Variants in PCNX1 observed in about 807,000 individuals in gnomAD.
The protein encoded by PCNX1 is pecanex 1, also known as pecanex-like protein 1.
A neutral mutation model predicts 242.2 loss-of-function variants in PCNX1; 78 were observed. The ratio of observed to expected loss-of-function variants is 0.32; its 90% CI spans 0.27 to 0.39. The LOEUF (loss-of-function observed/expected upper bound fraction) is 0.39, where lower values mean the gene tolerates loss of function less well. Among genes scored for constraint, PCNX1 ranks in the 10% least tolerant of loss-of-function variants. The pLI, the probability that PCNX1 is intolerant of heterozygous loss-of-function variation, is 1.00. For missense variants in PCNX1, 2,581 were observed against 2,856.5 expected (o/e 0.90, Z 2.20); for synonymous variants, 1,024 against 1,032.9 (o/e 0.99, Z 0.17).
chr14:70,992,592 A>G (rs1288499183), intron 7 of PCNX1, among the ~76,000 whole-genome samples: 1 of 152,232 alleles, frequency 6.6e-6, no homozygotes, highest in Non-Finnish European at 1.5e-5. Context: ...ATTAAGTGAT[A>G]CAGAAGGAAA....
chr14:71,033,589 G>GT (rs531399121), intron 17 of PCNX1, 51 bp downstream of exon 17: 27 of 1,023,420 alleles, frequency 2.6e-5, no homozygotes, highest in Admixed American at 5.6e-5. Context: ...GTAAGTTGGT[G>GT]TTTTTTTCAA....
intron 3 of PCNX1, 116 bp from the exon 4 acceptor site, chr14:70,968,082 A>G: frequency 1.3e-6 from 1 of 774,060 alleles, no homozygotes; most frequent in Non-Finnish European, 2.2e-6. Context: ...ATTGATAAAA[A>G]TGATCGATAA....
At chr14:70,927,527 A>G (rs2056635625) in intron 1 of PCNX1, among the ~76,000 whole-genome samples, 2 of 152,070 alleles carry the variant, frequency 1.3e-5, no homozygotes. Flanking sequence ...GAGAGCTAAT[A>G]TACTTTTTAC....
chr14:70,910,732 A>G (rs535161080), intron 1 of PCNX1, among the ~76,000 whole-genome samples: 2 of 152,338 alleles, frequency 1.3e-5, no homozygotes, highest in African/African-American at 4.8e-5. Flanking sequence ...ATTAGAATAT[A>G]AGCTCTGAGA....
chr14:70,952,713 C>T (rs1186027981), intron 2 of PCNX1, among the ~76,000 whole-genome samples: 3 of 151,826 alleles, frequency 2.0e-5, no homozygotes, highest in African/African-American at 7.3e-5. Context: ...ATTCATTCTT[C>T]TATTTATAGC....
intron 2 of PCNX1, among the ~76,000 whole-genome samples, chr14:70,948,587 A>G (rs1032575077): frequency 1.3e-5 from 2 of 151,730 alleles, no homozygotes; most frequent in South Asian, 2.1e-4. Flanking sequence ...ACACATATGC[A>G]TATATAGATA....
chr14:71,049,180 ACT>A, intron 22 of PCNX1: 1 of 671,516 alleles, frequency 1.5e-6, no homozygotes, highest in Non-Finnish European at 1.8e-6. Flanking sequence ...GCTACACTTA[ACT>A]CTGCATTAGT....
intron 1 of PCNX1, among the ~76,000 whole-genome samples, chr14:70,934,449 A>G (rs1389207708): frequency 1.3e-5 from 2 of 152,170 alleles, no homozygotes; most frequent in Non-Finnish European, 2.9e-5. Flanking sequence ...TTAACCATTT[A>G]AAAAATTTTT....
intron 7 of PCNX1, among the ~76,000 whole-genome samples, chr14:70,992,877 A>G (rs1037761836): frequency 6.6e-6 from 1 of 152,126 alleles, no homozygotes; most frequent in African/African-American, 2.4e-5. Flanking sequence ...GGACTTTTTT[A>G]TTTCTGTTAG....
At chr14:71,009,959 G>C (rs1595228036) in intron 9 of PCNX1, 1 of 335,626 alleles carries the variant, frequency 3.0e-6, no homozygotes, top group East Asian at 4.7e-5. Context: ...TTATAATCTT[G>C]TTTGCGGTGA....
intron 30 of PCNX1, among the ~76,000 whole-genome samples, chr14:71,094,499 T>A (rs2062219798): frequency 6.6e-6 from 1 of 152,248 alleles, no homozygotes; most frequent in Non-Finnish European, 1.5e-5. Context: ...AAATTTCTAT[T>A]AACCTTTGCC....
chr14:70,946,859 T>C, intron 1 of PCNX1, 56 bp from the exon 2 acceptor site: 2 of 1,151,454 alleles, frequency 1.7e-6, no homozygotes, highest in Admixed American at 1.9e-5. Flanking sequence ...ATTTATCTAA[T>C]TGAATACGAT....
At chr14:70,946,804 T>G (rs191239616) in intron 1 of PCNX1, 111 bp from the exon 2 acceptor site, 461 of 794,160 alleles carry the variant, frequency 5.8e-4, no homozygotes, top group Admixed American at 1.3e-3. Flanking sequence ...GCTAGTAACA[T>G]AGTTGTTGCT....
chr14:70,943,425 G>A (rs1035964058), intron 1 of PCNX1, among the ~76,000 whole-genome samples: 1 of 152,206 alleles, frequency 6.6e-6, no homozygotes, highest in Non-Finnish European at 1.5e-5. Flanking sequence ...CTCTTGCTAT[G>A]CTTTATTAGC....
chr14:70,980,277 G>T (rs1262873713), intron 6 of PCNX1, among the ~76,000 whole-genome samples: 1 of 151,850 alleles, frequency 6.6e-6, no homozygotes, highest in Non-Finnish European at 1.5e-5. Context: ...TACCTGAAAG[G>T]TGTTATTTGC....
chr14:71,098,545 T>TGAGA lies in PCNX1; in HGVS notation c.5590-3444_5590-3443insAGAG, dbSNP rs1337446355. Among the ~76,000 whole-genome samples the TGAGA allele has an allele frequency of 5.1e-3, 496 of 98,142 alleles. 1 individual carries two copies. The highest frequency in any genetic ancestry group is 0.013 in the Middle Eastern group (2 of 154). 64.4% of individuals were successfully genotyped at this position (98,142 alleles called of 152,430 possible). On this transcript the variant is annotated intron_variant, in intron 30 of 35. Coordinates refer to ENST00000304743, the MANE Select transcript of PCNX1 (RefSeq NM_014982.3). ...GTGTGTGTGTGTGTGTGTGTGTGTG[T>TGAGA]GTGTGTGTGAGAGAGAGAGAGAGAA...
intron 1 of PCNX1, among the ~76,000 whole-genome samples, chr14:70,943,587 G>C (rs763685923): frequency 6.6e-6 from 1 of 152,204 alleles, no homozygotes; most frequent in Non-Finnish European, 1.5e-5. Context: ...TTTACAGCCT[G>C]ATGATGCAAT....
chr14:70,951,017 C>A (rs945521672), intron 2 of PCNX1, among the ~76,000 whole-genome samples: 1 of 151,914 alleles, frequency 6.6e-6, no homozygotes, highest in Non-Finnish European at 1.5e-5. Flanking sequence ...TATAAATATA[C>A]AATAAATTAA....
At chr14:71,081,952 G>T (rs960536773) in intron 28 of PCNX1, among the ~76,000 whole-genome samples, 1 of 152,092 alleles carries the variant, frequency 6.6e-6, no homozygotes, top group East Asian at 1.9e-4. Flanking sequence ...CGATGTTAGG[G>T]TGTTGATTTT....
Sources: allele counts gnomAD v4.1 joint callset (sites outside exome capture counted in the v4.1 genomes callset), GRCh38; gene constraint gnomAD v4.1.1; transcripts MANE v1.5; gene names NCBI Gene and HGNC (gene_info 2026-07-23, HGNC 2026-07-21).